The following ADAMTS12 variants were observed in gnomAD, a reference collection of about 807,000 sequenced individuals.
ADAMTS12 encodes the protein A disintegrin and metalloproteinase with thrombospondin motifs 12.
In ADAMTS12, 118 loss-of-function variants were observed where a neutral mutation model predicts 167.8. The observed-to-expected ratio is 0.70, with a 90% confidence interval of 0.61 to 0.82. ADAMTS12 has a LOEUF of 0.82. ADAMTS12 is among the 40% of genes least tolerant of loss of function. The probability of loss-of-function intolerance (pLI) is 0.00; values close to 1 mark genes in which losing one functional copy is unlikely to be tolerated. For missense variants in ADAMTS12, 1,916 were observed against 1,998.8 expected (o/e 0.96, Z 0.79); for synonymous variants, 704 against 716.9 (o/e 0.98, Z 0.29).
chr5:33,532,491 C>A lies in ADAMTS12; in HGVS notation c.4606+2342G>T, dbSNP rs25752. 6.1e-5 allele frequency among the ~76,000 whole-genome samples: 9 copies of A among 147,824 alleles called. No homozygotes were observed. The East Asian group carries it at 1.8e-3, about 29-fold the overall frequency. The stretch of plus-strand genomic sequence containing the variant: ...GTTTCTATTTTTTTTTTTTTTTTGG[C>A]CTTTTCTACCCTTCCTCAAATTAAA... On this transcript the variant is annotated intron_variant, in intron 23 of 23. Transcript: ENST00000504830.
chr5:33,543,890 C>T (rs563747686), intron 22 of ADAMTS12, among the ~76,000 whole-genome samples: 4 of 152,198 alleles, frequency 2.6e-5, no homozygotes, highest in Non-Finnish European at 2.9e-5. Flanking sequence ...TTATGACAAA[C>T]CCACAGCCAA....
chr5:33,620,164 T>C (rs1262031281), intron 14 of ADAMTS12, among the ~76,000 whole-genome samples: 1 of 152,236 alleles, frequency 6.6e-6, no homozygotes, highest in African/African-American at 2.4e-5. Flanking sequence ...AAATTTCCTT[T>C]TCTACACTAG....
chr5:33,697,826 G>A (rs1379107774), intron 3 of ADAMTS12, among the ~76,000 whole-genome samples: 1 of 152,224 alleles, frequency 6.6e-6, no homozygotes, highest in East Asian at 1.9e-4. Context: ...AGGGTACAGG[G>A]GCAGGACTTG....
chr5:33,726,705 C>A (rs1174392686), intron 3 of ADAMTS12, among the ~76,000 whole-genome samples: 4 of 151,010 alleles, frequency 2.6e-5, no homozygotes, highest in African/African-American at 9.9e-5. Flanking sequence ...CTGAAGCTTA[C>A]TCCTAAGTTA....
chr5:33,771,646 T>A lies in ADAMTS12; in HGVS notation c.490-20098A>T, dbSNP rs554480470. ...TTCTGTGGATGGATGGGTATGGTGGTACAACAATGTGAATACACTCATGTC... is the reference window on the plus strand; with the variant it reads ...TTCTGTGGATGGATGGGTATGGTGGAACAACAATGTGAATACACTCATGTC... On this transcript the variant is annotated intron_variant, in intron 2 of 23. Coordinates refer to ENST00000504830, the MANE Select transcript of ADAMTS12 (RefSeq NM_030955.4). Among the ~76,000 whole-genome samples, 23 of 152,252 alleles carry A rather than the reference T, an allele frequency of 1.5e-4. No individual in the cohort carries two copies. The East Asian group carries it at 4.2e-3, about 28-fold the overall frequency.
intron 22 of ADAMTS12, among the ~76,000 whole-genome samples, chr5:33,541,343 C>A (rs1401469878): frequency 1.3e-5 from 2 of 151,952 alleles, no homozygotes; most frequent in Non-Finnish European, 1.5e-5. Context: ...GTGAAAAGAC[C>A]AAATCTACAT....
intron 3 of ADAMTS12, among the ~76,000 whole-genome samples, chr5:33,743,186 G>A (rs1277307229): frequency 1.3e-5 from 2 of 152,172 alleles, no homozygotes; most frequent in East Asian, 1.9e-4. Flanking sequence ...GGAGAGTGGT[G>A]GGAGATGAGG....
At chr5:33,564,438 G>A (rs1341078173) in intron 19 of ADAMTS12, among the ~76,000 whole-genome samples, 1 of 152,216 alleles carries the variant, frequency 6.6e-6, no homozygotes, top group East Asian at 1.9e-4. Flanking sequence ...TTGGGTTGCA[G>A]TAGATTTTAT....
At chr5:33,594,994 T>C (rs1747840713) in intron 17 of ADAMTS12, among the ~76,000 whole-genome samples, 3 of 152,212 alleles carry the variant, frequency 2.0e-5, no homozygotes, top group African/African-American at 7.2e-5. Context: ...GGATGAATGC[T>C]TGATGGACTC....
chr5:33,630,929 A>G lies in ADAMTS12; in HGVS notation c.1889-16T>C. ...CAAGGATGTGCTGAAGGGAAAAAAG[A>G]AGGCAAAGCCTTGCAAATTAGCTTT... On this transcript the variant is annotated splice_polypyrimidine_tract_variant and intron_variant, in intron 12 of 23. Transcript: ENST00000504830. 2 of 1,609,738 alleles carry G rather than the reference A, an allele frequency of 1.2e-6. No individual in the cohort carries two copies. Among genetic ancestry groups the G allele is most frequent in the Non-Finnish European group, 1.7e-6 (2 of 1,176,658 alleles).
intron 2 of ADAMTS12, among the ~76,000 whole-genome samples, chr5:33,760,914 T>C (rs950205456): frequency 6.8e-6 from 1 of 146,630 alleles, no homozygotes; most frequent in Non-Finnish European, 1.5e-5. Context: ...TGTGTGTGTG[T>C]GTGTGTGCGT....
intron 2 of ADAMTS12, among the ~76,000 whole-genome samples, chr5:33,773,313 G>A (rs1483689295): frequency 6.6e-6 from 1 of 152,192 alleles, no homozygotes; most frequent in Non-Finnish European, 1.5e-5. Flanking sequence ...AGTAGGCAGA[G>A]AAGTTTTCAT....
chr5:33,605,729 G>A (rs1738401445), intron 16 of ADAMTS12, among the ~76,000 whole-genome samples: 1 of 152,184 alleles, frequency 6.6e-6, no homozygotes, highest in Non-Finnish European at 1.5e-5. Flanking sequence ...GATAATCAAT[G>A]AGTAGTATTT....
intron 14 of ADAMTS12, among the ~76,000 whole-genome samples, chr5:33,619,489 G>C (rs888179221): frequency 6.6e-6 from 1 of 151,978 alleles, no homozygotes; most frequent in Non-Finnish European, 1.5e-5. Context: ...ATGGCAGCTG[G>C]AGACTCATCT....
intron 2 of ADAMTS12, among the ~76,000 whole-genome samples, chr5:33,760,438 C>T (rs1164578494): frequency 1.3e-5 from 2 of 151,392 alleles, no homozygotes; most frequent in African/African-American, 4.9e-5. Flanking sequence ...AAATGTTTTG[C>T]ATTTGAAATG....
chr5:33,630,275 AAAT>A (rs1383959891), intron 13 of ADAMTS12, among the ~76,000 whole-genome samples: 1 of 152,224 alleles, frequency 6.6e-6, no homozygotes, highest in Non-Finnish European at 1.5e-5. Flanking sequence ...CATCAGGTCT[AAAT>A]AATTTATATA....
chr5:33,803,970 C>T (rs1203777284), intron 2 of ADAMTS12, among the ~76,000 whole-genome samples: 1 of 152,200 alleles, frequency 6.6e-6, no homozygotes, highest in Non-Finnish European at 1.5e-5. Context: ...GGGAAGAAGA[C>T]AAGAGCCTAG....
intron 5 of ADAMTS12, among the ~76,000 whole-genome samples, chr5:33,666,981 G>A (rs912932628): frequency 1.3e-5 from 2 of 151,952 alleles, no homozygotes; most frequent in East Asian, 1.9e-4. Context: ...TTGATTTTGC[G>A]AACAACTATG....
At chr5:33,596,274 G>C (rs935908653) in intron 16 of ADAMTS12, among the ~76,000 whole-genome samples, 1 of 152,132 alleles carries the variant, frequency 6.6e-6, no homozygotes, top group Non-Finnish European at 1.5e-5. Context: ...AGCTTGCCTA[G>C]GAAAAACTGT....
Sources: gnomAD v4.1 joint callset for allele counts (sites outside exome capture counted in the v4.1 genomes callset) on GRCh38, gnomAD v4.1.1 for gene constraint, MANE v1.5 for transcripts, NCBI Gene and HGNC (gene_info 2026-07-23, HGNC 2026-07-21) for gene names.